The following MAP3K4 variants were observed in gnomAD, a reference collection of about 807,000 sequenced individuals.
MAP3K4 encodes the protein mitogen-activated protein kinase kinase kinase 4, also known as MAP three kinase 1.
Under a neutral mutation model 185.6 loss-of-function variants are expected in MAP3K4, and 67 were observed. That is an observed-to-expected ratio of 0.36 (90% CI 0.30 to 0.44). The LOEUF (loss-of-function observed/expected upper bound fraction) is 0.44. Ranked by LOEUF, MAP3K4 falls within the 20% of genes least tolerant of loss-of-function variation. The pLI is 1.00. For synonymous variants in MAP3K4, 702 were observed against 710.4 expected (o/e 0.99, Z 0.19); for missense variants, 1,551 against 1,995.1 (o/e 0.78, Z 4.24).
chr6:161,105,263 G>A (rs967461149), intron 19 of MAP3K4, among the ~76,000 whole-genome samples: 1 of 152,200 alleles, frequency 6.6e-6, no homozygotes, highest in Non-Finnish European at 1.5e-5. Flanking sequence ...GAGATAAATT[G>A]CCTGTGGGAA....
Position 161,107,988 on chromosome 6 carries a change from TGG to T in MAP3K4, c.4119+22_4119+23del, listed in dbSNP as rs1047248969. 6.2e-7 allele frequency: 1 copy of T among 1,611,552 alleles called. No homozygotes were observed. The highest frequency in any genetic ancestry group is 1.3e-5 in the African/African-American group (1 of 74,814). On this transcript the variant is annotated intron_variant, in intron 21 of 26. Transcript: ENST00000392142. This position sits in a 1 kb window ranked among gnomAD's most constrained non-coding sequence, Gnocchi z 6.2. ...GAAAGAGGTGAGTCACCTGGCTCCG[TGG>T]GGCCTTTGGGCCTGGCGGCTCTGGG...
At position 161,093,645 on chromosome 6, in the gene MAP3K4, A is replaced by G; in HGVS notation, c.3349-128A>G. On this transcript the variant is annotated intron_variant, in intron 14 of 26. Transcript: ENST00000392142. This position sits in a 1 kb window ranked among gnomAD's most constrained non-coding sequence, Gnocchi z 5.2. ...TTTGTGTTTATACCTATTTTCTTTT[A>G]AACTAACTGAAAATATTTTGGGTAG... The G allele has an allele frequency of 1.7e-6, 1 of 592,712 alleles. No homozygotes were observed. The highest frequency in any genetic ancestry group is 1.9e-5 in the African/African-American group (1 of 52,752). 36.7% of individuals were successfully genotyped at this position (592,712 alleles called of 1,614,324 possible). A position where few individuals can be genotyped will look rare whatever the true frequency, so the allele number is the denominator to read the frequency against.
chr6:161,085,003 T>A (rs1785633784), intron 7 of MAP3K4, among the ~76,000 whole-genome samples: 1 of 152,060 alleles, frequency 6.6e-6, no homozygotes, highest in Non-Finnish European at 1.5e-5. Flanking sequence ...AAAAAACAGC[T>A]GGGCGTGGTG....
chr6:161,116,916 T>G lies in MAP3K4; in HGVS notation c.*46T>G. Reference sequence around the variant, plus strand: ...TGGAAAATTCTCTTAATCACTACTGTATGTAATATTTACATAAAGACTGTG... The same window carrying G: ...TGGAAAATTCTCTTAATCACTACTGGATGTAATATTTACATAAAGACTGTG... On this transcript the variant is annotated 3_prime_UTR_variant, in exon 27 of 27. Transcript: ENST00000392142. The surrounding 1 kb of genome is among the most constrained non-coding windows in gnomAD (Gnocchi z 6.2). 1 of 1,552,104 alleles carries G rather than the reference T, an allele frequency of 6.4e-7. No homozygotes were observed. The highest frequency in any genetic ancestry group is 8.9e-7 in the Non-Finnish European group (1 of 1,123,440).
At chr6:161,058,434 T>C (rs1784337333) in intron 3 of MAP3K4, among the ~76,000 whole-genome samples, 1 of 152,174 alleles carries the variant, frequency 6.6e-6, no homozygotes, top group Non-Finnish European at 1.5e-5. Flanking sequence ...AAATTGCAGT[T>C]TGTGATAGGA....
At chr6:161,011,335 ATAAAGT>A (rs1479019440) in intron 1 of MAP3K4, among the ~76,000 whole-genome samples, 2 of 152,158 alleles carry the variant, frequency 1.3e-5, no homozygotes, top group Non-Finnish European at 2.9e-5. Flanking sequence ...CTTTTTTTCT[ATAAAGT>A]TAAATTAATT....
intron 5 of MAP3K4, among the ~76,000 whole-genome samples, chr6:161,079,548 G>T (rs1239716065): frequency 6.6e-6 from 1 of 152,226 alleles, no homozygotes; most frequent in East Asian, 1.9e-4. Context: ...TTGCACTCCA[G>T]CCTGGGCAGC....
Position 161,054,268 on chromosome 6 carries a change from C to A in MAP3K4, c.1707+4289C>A, listed in dbSNP as rs985905155. On this transcript the variant is annotated intron_variant, in intron 3 of 26. Coordinates refer to ENST00000392142, the MANE Select transcript of MAP3K4 (RefSeq NM_005922.4). This position sits in a 1 kb window ranked among gnomAD's most constrained non-coding sequence, Gnocchi z 4.2. ...CTTGGGGGTTCAGGCTATTCTCCTG[C>A]CTCAGCCTCCGGAGTAGCTGGGATT... is the stretch of plus-strand genomic sequence containing the variant. 5.9e-5 allele frequency among the ~76,000 whole-genome samples: 9 copies of A among 152,086 alleles called. No individual in the cohort carries two copies. The highest frequency in any genetic ancestry group is 1.3e-4 in the Non-Finnish European group (9 of 68,008).
At position 161,063,700 on chromosome 6, in the gene MAP3K4, G is replaced by A. The variant is rs187513742; in HGVS notation, c.1708-6908G>A. ...GGGTACTAGTTTTAAGATATTATGG[G>A]GCCTAAACCACTCCAGCCCTTTCAG... On this transcript the variant is annotated intron_variant, in intron 3 of 26. Transcript: ENST00000392142. The surrounding 1 kb of genome is among the most constrained non-coding windows in gnomAD (Gnocchi z 5.4). 1.2e-4 allele frequency among the ~76,000 whole-genome samples: 19 copies of A among 152,036 alleles called. No homozygotes were observed. The East Asian group carries it at 3.3e-3, about 26-fold the overall frequency.
intron 1 of MAP3K4, among the ~76,000 whole-genome samples, chr6:160,995,846 A>G (rs1420024475): frequency 1.3e-5 from 2 of 152,240 alleles, no homozygotes; most frequent in Admixed American, 6.5e-5. Context: ...TAAGGCTGAT[A>G]TAATGCTCTT....
rs762857161 is a variant in MAP3K4 at position 161,107,985 on chromosome 6, C to T, written c.4119+16C>T. 9 of 1,612,694 alleles carry T rather than the reference C, an allele frequency of 5.6e-6. No homozygotes were observed. Among genetic ancestry groups the T allele is most frequent in the Non-Finnish European group, 7.6e-6 (9 of 1,179,648 alleles). ...CATGAAAGAGGTGAGTCACCTGGCT[C>T]CGTGGGGCCTTTGGGCCTGGCGGCT... On this transcript the variant is annotated intron_variant, in intron 21 of 26. Coordinates refer to ENST00000392142, the MANE Select transcript of MAP3K4 (RefSeq NM_005922.4). The surrounding 1 kb of genome is among the most constrained non-coding windows in gnomAD (Gnocchi z 6.2).
intron 6 of MAP3K4, among the ~76,000 whole-genome samples, chr6:161,083,909 T>C (rs1207601908): frequency 1.3e-5 from 2 of 152,236 alleles, no homozygotes; most frequent in African/African-American, 4.8e-5. Context: ...AGTTCTGTGC[T>C]TACCTGCTCT....
At chr6:161,006,903 C>T (rs1781610654) in intron 1 of MAP3K4, among the ~76,000 whole-genome samples, 1 of 151,708 alleles carries the variant, frequency 6.6e-6, no homozygotes. Context: ...TCAAAGTAGA[C>T]AAATAGAAAA....
Position 161,063,921 on chromosome 6 carries a change from G to A in MAP3K4, c.1708-6687G>A, listed in dbSNP as rs2114798265. On this transcript the variant is annotated intron_variant, in intron 3 of 26. Transcript: ENST00000392142. This position sits in a 1 kb window ranked among gnomAD's most constrained non-coding sequence, Gnocchi z 5.4. ...CTAATGCTGATACCACATGGCTCTTGGAACTGTTCATGGTTTTCCCACCAC... is the reference window on the plus strand; with the variant it reads ...CTAATGCTGATACCACATGGCTCTTAGAACTGTTCATGGTTTTCCCACCAC... 6.6e-6 allele frequency among the ~76,000 whole-genome samples: 1 copy of A among 152,214 alleles called. No homozygotes were observed. Among genetic ancestry groups the A allele is most frequent in the African/African-American group, 2.4e-5 (1 of 41,518 alleles).
At chr6:161,065,221 G>A (rs62435486) in intron 3 of MAP3K4, among the ~76,000 whole-genome samples, 3,190 of 152,260 alleles carry the variant, frequency 0.021, 42 homozygotes, top group South Asian at 0.046. Context: ...GCTATGTGAA[G>A]GTTCCACTTA....
At chr6:161,025,776 TTTAA>T (rs1386175336) in intron 1 of MAP3K4, among the ~76,000 whole-genome samples, 1 of 152,226 alleles carries the variant, frequency 6.6e-6, no homozygotes, top group African/African-American at 2.4e-5. Context: ...TGAATTAACC[TTTAA>T]TTAAAGTTTT....
chr6:161,074,921 T>G lies in MAP3K4; in HGVS notation c.2097+1309T>G, dbSNP rs1335914610. 6.6e-6 allele frequency among the ~76,000 whole-genome samples: 1 copy of G among 152,128 alleles called. No homozygotes were observed. The highest frequency in any genetic ancestry group is 1.5e-5 in the Non-Finnish European group (1 of 68,014). On this transcript the variant is annotated intron_variant, in intron 5 of 26. Transcript: ENST00000392142. The surrounding 1 kb of genome is among the most constrained non-coding windows in gnomAD (Gnocchi z 5.0). The stretch of plus-strand genomic sequence containing the variant: ...CTCCTGGCAACCCCACCCAGCACAT[T>G]TCCCCTGCCTTTTGTTGACCAGACC...
chr6:160,993,608 G>C (rs1339436455), intron 1 of MAP3K4, among the ~76,000 whole-genome samples: 1 of 152,146 alleles, frequency 6.6e-6, no homozygotes, highest in African/African-American at 2.4e-5. Context: ...TATCCAAATG[G>C]GCGGATCAGA....
At chr6:161,104,057 A>G (rs115584402) in intron 19 of MAP3K4, among the ~76,000 whole-genome samples, 2 of 152,168 alleles carry the variant, frequency 1.3e-5, no homozygotes, top group Non-Finnish European at 2.9e-5. Flanking sequence ...TTTGTGGTCA[A>G]GTAAACTTGG....
Sources: gnomAD v4.1 joint callset for allele counts (sites outside exome capture counted in the v4.1 genomes callset) on GRCh38, gnomAD v4.1.1 for gene constraint, Gnocchi (gnomAD v3.1) non-coding constraint, MANE v1.5 for transcripts, NCBI Gene and HGNC (gene_info 2026-07-23, HGNC 2026-07-21) for gene names.